The following CEP70 variants were observed in gnomAD, a reference collection of about 807,000 sequenced individuals.
CEP70 encodes the protein centrosomal protein 70, also known as centrosomal protein of 70 kDa.
In CEP70, 70 loss-of-function variants were observed where a neutral mutation model predicts 90.9. The ratio of observed to expected loss-of-function variants is 0.77; its 90% CI spans 0.64 to 0.94. The LOEUF is 0.94. Ranked by LOEUF, CEP70 falls within the 40% of genes least tolerant of loss-of-function variation. CEP70 has a pLI of 0.00. For missense variants in CEP70, 648 were observed against 669.0 expected (o/e 0.97, Z 0.35); for synonymous variants, 220 against 228.3 (o/e 0.96, Z 0.33).
At chr3:138,510,468 G>A (rs1332799438) in intron 11 of CEP70, among the ~76,000 whole-genome samples, 2 of 151,930 alleles carry the variant, frequency 1.3e-5, no homozygotes, top group Admixed American at 1.3e-4. Flanking sequence ...AGGACTAATG[G>A]CATGGAGAGT....
chr3:138,521,456 C>T (rs1376471243), intron 11 of CEP70, among the ~76,000 whole-genome samples: 9 of 151,412 alleles, frequency 5.9e-5, no homozygotes, highest in East Asian at 2.0e-4. Context: ...TCTTCCAGGC[C>T]GTCATCCTGT....
intron 11 of CEP70, among the ~76,000 whole-genome samples, chr3:138,509,987 T>C (rs550709050): frequency 6.2e-4 from 94 of 152,292 alleles, no homozygotes; most frequent in African/African-American, 2.2e-3. Context: ...ATGAAGTGTG[T>C]CCTTTAAGTG....
intron 2 of CEP70, among the ~76,000 whole-genome samples, chr3:138,576,232 G>A (rs1228370962): frequency 6.6e-6 from 1 of 152,086 alleles, no homozygotes; most frequent in African/African-American, 2.4e-5. Flanking sequence ...ACACACATAG[G>A]CTCAAAATAA....
intron 11 of CEP70, among the ~76,000 whole-genome samples, chr3:138,522,613 A>T (rs1336398380): frequency 6.6e-6 from 1 of 152,254 alleles, no homozygotes; most frequent in Non-Finnish European, 1.5e-5. Context: ...CAAATAAACT[A>T]GAAAATCTAG....
intron 6 of CEP70, among the ~76,000 whole-genome samples, chr3:138,558,164 A>T (rs1053533136): frequency 1.4e-4 from 21 of 152,330 alleles, no homozygotes; most frequent in Non-Finnish European, 2.5e-4. Flanking sequence ...CAGGAGTTCG[A>T]GACTAGCCTG....
At chr3:138,582,880 G>A (rs1304824942) in intron 2 of CEP70, among the ~76,000 whole-genome samples, 1 of 151,730 alleles carries the variant, frequency 6.6e-6, no homozygotes, top group African/African-American at 2.4e-5. Context: ...TAAGAAGCAA[G>A]AAATTAAAAC....
At chr3:138,587,735 C>A (rs2042175974) in intron 2 of CEP70, among the ~76,000 whole-genome samples, 1 of 152,082 alleles carries the variant, frequency 6.6e-6, no homozygotes, top group Non-Finnish European at 1.5e-5. Context: ...ATGATTGTGC[C>A]ACTGCACTCT....
At position 138,527,354 on chromosome 3, in the gene CEP70, C is replaced by T. The variant is rs530440886; in HGVS notation, c.870-1790G>A. On this transcript the variant is annotated intron_variant, in intron 10 of 17. Coordinates refer to ENST00000264982, the MANE Select transcript of CEP70 (RefSeq NM_024491.4). ...ATTTTTTTTTTTTTTTAATATGGAA[C>T]GCTTCATGAATTTGCGTGTCATCCT... Among the ~76,000 whole-genome samples, 5 of 149,230 alleles carry T rather than the reference C, an allele frequency of 3.4e-5. No individual in the cohort carries two copies. In the East Asian group the frequency reaches 7.9e-4, roughly 24 times the overall value.
chr3:138,531,362 AC>A (rs1393541355), intron 8 of CEP70: 1 of 152,002 alleles, frequency 6.6e-6, no homozygotes, highest in Non-Finnish European at 1.5e-5. Flanking sequence ...CTTACTAAAA[AC>A]CCCAAATCCC....
intron 11 of CEP70, among the ~76,000 whole-genome samples, chr3:138,525,183 A>G (rs2037090635): frequency 6.6e-6 from 1 of 151,274 alleles, no homozygotes; most frequent in Non-Finnish European, 1.5e-5. Context: ...CAAACACCGC[A>G]TGTTCTCACT....
intron 17 of CEP70, chr3:138,496,198 G>T: frequency 7.1e-6 from 7 of 985,330 alleles, no homozygotes; most frequent in South Asian, 4.7e-5. Flanking sequence ...TAATAAACGC[G>T]TTCCCTTACA....
At chr3:138,522,404 A>C (rs2036753234) in intron 11 of CEP70, among the ~76,000 whole-genome samples, 1 of 152,126 alleles carries the variant, frequency 6.6e-6, no homozygotes, top group South Asian at 2.1e-4. Flanking sequence ...GAGACACAAA[A>C]AACCCTTCAA....
chr3:138,556,386 G>A (rs1286684526), intron 6 of CEP70, among the ~76,000 whole-genome samples: 1 of 151,918 alleles, frequency 6.6e-6, no homozygotes, highest in Non-Finnish European at 1.5e-5. Context: ...AAATTAGCTG[G>A]GCATGGTGGT....
intron 2 of CEP70, among the ~76,000 whole-genome samples, chr3:138,588,774 T>C (rs2042232401): frequency 6.6e-6 from 1 of 152,202 alleles, no homozygotes; most frequent in African/African-American, 2.4e-5. Flanking sequence ...ACACAAAGAC[T>C]GTACACAAAT....
chr3:138,551,453 TA>T (rs2039605002), intron 6 of CEP70, among the ~76,000 whole-genome samples: 1 of 151,878 alleles, frequency 6.6e-6, no homozygotes. Flanking sequence ...AAAATACAAT[TA>T]AAAAAATCTG....
intron 11 of CEP70, among the ~76,000 whole-genome samples, chr3:138,516,571 A>G (rs2036048553): frequency 6.6e-6 from 1 of 152,114 alleles, no homozygotes; most frequent in Admixed American, 6.5e-5. Flanking sequence ...TTCTTTGTAG[A>G]GACAAGGACT....
At chr3:138,567,355 A>G (rs1202198908) in intron 6 of CEP70, among the ~76,000 whole-genome samples, 1 of 152,252 alleles carries the variant, frequency 6.6e-6, no homozygotes, top group Non-Finnish European at 1.5e-5. Context: ...AGGCACTTTC[A>G]TCTTCTCAAG....
intron 10 of CEP70, among the ~76,000 whole-genome samples, chr3:138,526,579 C>G (rs2108822136): frequency 6.6e-6 from 1 of 152,258 alleles, no homozygotes; most frequent in South Asian, 2.1e-4. Context: ...AAAAAAGGCT[C>G]AACAATGTTC....
chr3:138,540,268 G>C (rs2038644520), intron 6 of CEP70, among the ~76,000 whole-genome samples: 1 of 152,080 alleles, frequency 6.6e-6, no homozygotes, highest in South Asian at 2.1e-4. Context: ...GCTGAGGCAA[G>C]TGGATCACCT....
Sources: allele counts gnomAD v4.1 joint callset (sites outside exome capture counted in the v4.1 genomes callset), GRCh38; gene constraint gnomAD v4.1.1; transcripts MANE v1.5; gene names NCBI Gene and HGNC (gene_info 2026-07-23, HGNC 2026-07-21).